The following CLMP variants were observed in gnomAD, a reference collection of about 807,000 sequenced individuals.
CLMP encodes the protein CXADR-like membrane protein.
Under a neutral mutation model 45.2 loss-of-function variants are expected in CLMP, and 27 were observed. The observed-to-expected ratio is 0.60, with a 90% CI of 0.44 to 0.82. The LOEUF (loss-of-function observed/expected upper bound fraction) is 0.82, where lower values mean the gene tolerates loss of function less well. CLMP is among the 40% of genes least tolerant of loss of function. The probability of loss-of-function intolerance (pLI) is 0.00; values close to 1 mark genes in which losing one functional copy is unlikely to be tolerated. For synonymous variants in CLMP, 167 were observed against 171.4 expected, an observed-to-expected ratio of 0.97 and a Z score of 0.20; for missense variants, 403 against 448.4, an observed-to-expected ratio of 0.90 and a Z score of 0.91.
At chr11:123,188,098 T>C (rs1861856469) in intron 1 of CLMP, among the ~76,000 whole-genome samples, 1 of 152,228 alleles carries the variant, frequency 6.6e-6, no homozygotes. Context: ...TGTTCGTGAA[T>C]ACGTCTCTCC....
intron 1 of CLMP, among the ~76,000 whole-genome samples, chr11:123,161,979 A>C (rs1861493742): frequency 6.6e-6 from 1 of 152,224 alleles, no homozygotes; most frequent in African/African-American, 2.4e-5. Context: ...CTGCACAGAG[A>C]ACCTTGATGT....
At chr11:123,103,341 A>G (rs1005392024) in intron 1 of CLMP, among the ~76,000 whole-genome samples, 5 of 152,216 alleles carry the variant, frequency 3.3e-5, no homozygotes, top group African/African-American at 1.2e-4. Context: ...TTTAGTGCAT[A>G]CAATAGATAC....
intron 3 of CLMP, 45 bp from the exon 4 acceptor site, chr11:123,083,892 C>A: frequency 6.2e-7 from 1 of 1,600,356 alleles, no homozygotes; most frequent in East Asian, 2.2e-5. Flanking sequence ...TTCAAAGATC[C>A]CCAAACACCA....
chr11:123,082,402 A>C (rs903687249), intron 5 of CLMP, among the ~76,000 whole-genome samples: 1 of 152,032 alleles, frequency 6.6e-6, no homozygotes, highest in Non-Finnish European at 1.5e-5. Context: ...TCCGTGTCTC[A>C]GGTTAAAGCA....
chr11:123,127,483 G>A (rs1347897073), intron 1 of CLMP, among the ~76,000 whole-genome samples: 1 of 152,106 alleles, frequency 6.6e-6, no homozygotes, highest in Non-Finnish European at 1.5e-5. Context: ...CGTGGAGGGA[G>A]GGAGGACTAA....
intron 1 of CLMP, among the ~76,000 whole-genome samples, chr11:123,108,231 CAGA>C (rs1322176687): frequency 3.3e-5 from 5 of 152,176 alleles, no homozygotes; most frequent in South Asian, 2.1e-4. Flanking sequence ...TGAGAGTCTT[CAGA>C]AGAAGAAGAC....
At chr11:123,155,402 G>A (rs1423794746) in intron 1 of CLMP, among the ~76,000 whole-genome samples, 2 of 152,232 alleles carry the variant, frequency 1.3e-5, no homozygotes, top group African/African-American at 2.4e-5. Context: ...GCGAGGTGGT[G>A]AGAGACTAGG....
intron 1 of CLMP, among the ~76,000 whole-genome samples, chr11:123,118,716 G>A (rs894535933): frequency 2.8e-4 from 42 of 152,170 alleles, no homozygotes; most frequent in African/African-American, 9.2e-4. Flanking sequence ...AGAAAATGTC[G>A]CGTCTCAGCA....
chr11:123,102,706 GC>G (rs1860471353), intron 1 of CLMP, among the ~76,000 whole-genome samples: 1 of 107,270 alleles, frequency 9.3e-6, no homozygotes, highest in Admixed American at 9.2e-5. Context: ...CTCCCGAGTA[GC>G]TTTTTTTTTT....
intron 1 of CLMP, among the ~76,000 whole-genome samples, chr11:123,166,223 T>C (rs1353304663): frequency 2.6e-5 from 4 of 151,984 alleles, no homozygotes; most frequent in Non-Finnish European, 5.9e-5. Context: ...TAGTGTTGGA[T>C]GTAGCGAGGT....
chr11:123,107,253 C>T (rs1003017988), intron 1 of CLMP, among the ~76,000 whole-genome samples: 13 of 150,092 alleles, frequency 8.7e-5, no homozygotes, highest in East Asian at 6.0e-4. Context: ...TTAATTTAGA[C>T]GGAGTCTCAC....
chr11:123,141,504 G>A (rs770373915), intron 1 of CLMP, among the ~76,000 whole-genome samples: 5 of 152,084 alleles, frequency 3.3e-5, no homozygotes, highest in African/African-American at 4.8e-5. Flanking sequence ...TGATAGCAAT[G>A]CAAAATAGAC....
intron 2 of CLMP, among the ~76,000 whole-genome samples, chr11:123,092,989 C>T (rs1321046466): frequency 6.6e-6 from 1 of 150,792 alleles, no homozygotes; most frequent in Non-Finnish European, 1.5e-5. Flanking sequence ...CTCACTGCAA[C>T]CTCCTCATCC....
rs1295258016 is a variant in CLMP, at chr11:123,125,504, CTCCCT to C, written c.29-27557_29-27553del. On this transcript the variant is annotated intron_variant, in intron 1 of 6. Transcript: ENST00000448775. ...TCCCTCCCTCCTTCCTCCCTTCTTC[CTCCCT>C]TCCCTTCCCTTCCCTTCCCTTCCCT... 9.1e-3 allele frequency among the ~76,000 whole-genome samples: 644 copies of C among 71,124 alleles called. 9 individuals are homozygous for C. The highest frequency in any genetic ancestry group is 0.011 in the Non-Finnish European group (374 of 35,372). The allele number at this position is 71,124 out of a possible 152,430, so 46.7% of individuals were successfully genotyped here.
intron 1 of CLMP, among the ~76,000 whole-genome samples, chr11:123,103,424 G>A (rs1321810669): frequency 6.6e-6 from 1 of 152,200 alleles, no homozygotes; most frequent in African/African-American, 2.4e-5. Context: ...GGGAATCAAA[G>A]GCTCAGATTC....
rs1865676238 is a variant in CLMP, at chr11:123,071,899, T to A, written c.*1575A>T. On this transcript the variant is annotated 3_prime_UTR_variant, in exon 7 of 7. Coordinates refer to ENST00000448775, the MANE Select transcript of CLMP (RefSeq NM_024769.5). ...CTGTTTTCTTTATTTCTCAAACATC[T>A]TTCTTCTCCCATTCATCAACTCTTC... The A allele has an allele frequency of 6.6e-6, 1 of 152,220 alleles. No individual in the cohort carries two copies. Among genetic ancestry groups the A allele is most frequent in the Non-Finnish European group, 1.5e-5 (1 of 68,046 alleles). The allele number at this position is 152,220 out of a possible 1,614,324, so 9.4% of individuals were successfully genotyped here.
intron 1 of CLMP, among the ~76,000 whole-genome samples, chr11:123,191,734 C>T (rs906017468): frequency 6.6e-6 from 1 of 152,164 alleles, no homozygotes; most frequent in African/African-American, 2.4e-5. Context: ...AATTTTTCAC[C>T]TCTCTTGACC....
intron 2 of CLMP, among the ~76,000 whole-genome samples, chr11:123,087,867 C>A (rs2135472612): frequency 6.6e-6 from 1 of 151,956 alleles, no homozygotes; most frequent in Admixed American, 6.6e-5. Flanking sequence ...GTGTTGTTGG[C>A]CCCACATCCT....
chr11:123,083,277 G>A (rs753925955), intron 4 of CLMP, 70 bp from the exon 5 acceptor site: 2 of 1,405,260 alleles, frequency 1.4e-6, no homozygotes, highest in Non-Finnish European at 2.0e-6. Flanking sequence ...TTACTTTATT[G>A]TATCACTGAG....
Sources: allele counts gnomAD v4.1 joint callset (sites outside exome capture counted in the v4.1 genomes callset), GRCh38; gene constraint gnomAD v4.1.1; transcripts MANE v1.5; gene names NCBI Gene and HGNC (gene_info 2026-07-23, HGNC 2026-07-21).